SYN1: variants seen among roughly 807,000 people sequenced by gnomAD.
SYN1 encodes the protein synapsin-1.
SYN1 carries 8 observed loss-of-function variants against 44.6 expected under a neutral mutation model. The ratio of observed to expected loss-of-function variants is 0.18; its 90% confidence interval spans 0.11 to 0.32. SYN1 has a LOEUF of 0.32. Among genes scored for constraint, SYN1 ranks in the 10% least tolerant of loss-of-function variants. The pLI is 1.00. For missense variants in SYN1, 451 were observed against 639.4 expected, an observed-to-expected ratio of 0.71 and a Z score of 3.18; for synonymous variants, 275 against 280.1, an observed-to-expected ratio of 0.98 and a Z score of 0.18.
Position 47,574,059 on chromosome X carries a change from T to C in SYN1, c.1925A>G (p.Gln642Arg), listed in dbSNP as rs768643160. The change falls in exon 12 of 13, where the codon CAG (glutamine) becomes CGG (arginine). Residue 642 changes from glutamine to arginine, a missense_variant. Transcript: ENST00000295987. ...GGCGGTGGCGGGTGGCGGCACGTCC[T>C]GGCTGGGTTTCTGGGCCAGCTGTGG... Reference protein sequence around the residue: ...PKPQLAQKPSQDVPPPATAAA... With the variant: ...PKPQLAQKPSRDVPPPATAAA... 1.7e-6 allele frequency: 2 copies of C among 1,152,644 alleles called. No homozygotes were observed. Among genetic ancestry groups the C allele is most frequent in the South Asian group, 1.9e-5 (1 of 51,803 alleles). The allele number at this position is 1,152,644 out of a possible 1,213,427, so 95.0% of individuals were successfully genotyped here.
At chrX:47,579,623 ACTC>A (rs939143893) in intron 5 of SYN1, among the ~76,000 whole-genome samples, 1 of 109,521 alleles carries the variant, frequency 9.1e-6, no homozygotes, top group African/African-American at 3.3e-5. Flanking sequence ...GATCCACACG[ACTC>A]CTCATGTAAA....
At chrX:47,617,513 G>T (rs56957695) in intron 1 of SYN1, among the ~76,000 whole-genome samples, 33,205 of 109,833 alleles carry the variant, frequency 0.3, 3,732 homozygotes, top group Admixed American at 0.33. Context: ...CCCTTTGGGG[G>T]TATGAATTAA....
intron 5 of SYN1, among the ~76,000 whole-genome samples, chrX:47,580,650 A>G (rs1245261090): frequency 1.3e-4 from 14 of 106,008 alleles, no homozygotes; most frequent in Non-Finnish European, 2.7e-4. Flanking sequence ...AAAAAGATTT[A>G]GAAGGCCGGG....
At chrX:47,600,534 A>G (rs1220853069) in intron 5 of SYN1, among the ~76,000 whole-genome samples, 2 of 111,965 alleles carry the variant, frequency 1.8e-5, no homozygotes, top group Non-Finnish European at 3.8e-5. Context: ...TAAACCAATT[A>G]GACCTCATAA....
chrX:47,597,692 A>C (rs1341870225), intron 5 of SYN1, among the ~76,000 whole-genome samples: 1 of 112,074 alleles, frequency 8.9e-6, no homozygotes, highest in Non-Finnish European at 1.9e-5. Flanking sequence ...CAAGAAGTGC[A>C]CTGAACTCCA....
intron 5 of SYN1, among the ~76,000 whole-genome samples, chrX:47,587,996 G>A (rs2057833308): frequency 1.8e-5 from 2 of 111,778 alleles, no homozygotes; most frequent in African/African-American, 6.5e-5. Flanking sequence ...GGGCATTCTA[G>A]GTCACCAAGC....
Position 47,619,675 on chromosome X carries a change from T to A in SYN1, c.54A>T (p.Pro18=). ...GCTGCAGGTCTGTCATGTACCCATTTGGCAGATTGGCCATAAAGTTGCTGT... is the reference window on the plus strand; with the variant it reads ...GCTGCAGGTCTGTCATGTACCCATTAGGCAGATTGGCCATAAAGTTGCTGT... ...LSDSNFMANL[P]NGYMTDLQRP... Residue 18 remains proline, a synonymous_variant, in exon 1 of 13, where the codon CCA becomes CCT. Coordinates refer to ENST00000295987, the MANE Select transcript of SYN1 (RefSeq NM_006950.3). The A allele has an allele frequency of 8.6e-7, 1 of 1,169,489 alleles. No individual in the cohort carries two copies. Among genetic ancestry groups the A allele is most frequent in the Non-Finnish European group, 1.1e-6 (1 of 873,634 alleles).
rs1264033031 is a variant in SYN1 at position 47,589,438 on chromosome X, C to A, written c.775-11937G>T. ...GAAACCCTGTCTCTACTAAAAATAC[C>A]AAAAAAAAAAAAAATTAGCCGAGTA... On this transcript the variant is annotated intron_variant, in intron 5 of 12. Transcript: ENST00000295987. Among the ~76,000 whole-genome samples, 63 of 96,659 alleles carry A rather than the reference C, an allele frequency of 6.5e-4. No homozygotes were observed. The East Asian group carries it at 7.0e-3, about 11-fold the overall frequency. The allele number at this position is 96,659 out of a possible 115,157, so 83.9% of individuals were successfully genotyped here.
intron 5 of SYN1, among the ~76,000 whole-genome samples, chrX:47,602,513 G>A (rs1413506765): frequency 5.4e-5 from 6 of 110,787 alleles, no homozygotes; most frequent in Non-Finnish European, 7.6e-5. Context: ...GTGGTGGCAC[G>A]CACCTGTAGT....
At chrX:47,601,709 ACAT>A (rs2057880220) in intron 5 of SYN1, among the ~76,000 whole-genome samples, 3 of 112,613 alleles carry the variant, frequency 2.7e-5, no homozygotes, top group Non-Finnish European at 3.7e-5. Context: ...CCAGAAAAAG[ACAT>A]CATAAGAAAA....
chrX:47,574,436 C>G lies in SYN1; in HGVS notation c.1548G>C (p.Gln516His). Residue 516 changes from glutamine (Q) to histidine (H), a missense_variant, in exon 12 of 13, where the codon CAG becomes CAC. Transcript: ENST00000295987. ...GCGGCGCGGCCTGGGACGCGGGCTG[C>G]TGGGGCGCTGAGGTGGGACTTGGAA... is the stretch of plus-strand genomic sequence containing the variant. The part of the protein sequence containing the change: ...QRLPSPTSAP[Q>H]QPASQAAPPT... The G allele has an allele frequency of 5.7e-6, 6 of 1,045,484 alleles. No individual in the cohort carries two copies. Among genetic ancestry groups the G allele is most frequent in the Non-Finnish European group, 7.3e-6 (6 of 822,169 alleles). 86.2% of individuals were successfully genotyped at this position (1,045,484 alleles called of 1,213,427 possible).
At chrX:47,591,467 T>C (rs1332845119) in intron 5 of SYN1, among the ~76,000 whole-genome samples, 2 of 110,822 alleles carry the variant, frequency 1.8e-5, no homozygotes, top group Non-Finnish European at 3.8e-5. Flanking sequence ...ACACCTATAA[T>C]CCCAGCACTT....
intron 5 of SYN1, chrX:47,585,623 C>T: frequency 3.5e-6 from 4 of 1,154,777 alleles, no homozygotes; most frequent in South Asian, 4.0e-5. Flanking sequence ...AGCTCAGCGC[C>T]GGGGCTTCAC....
intron 1 of SYN1, among the ~76,000 whole-genome samples, chrX:47,611,346 G>T (rs1168238206): frequency 9.0e-6 from 1 of 111,512 alleles, no homozygotes; most frequent in Admixed American, 9.5e-5. Context: ...CCCCTGGAGA[G>T]GTCAGATGGG....
rs746161557 is a variant in SYN1, at chrX:47,608,682, A to G, written c.378-1484T>C. On this transcript the variant is annotated intron_variant, in intron 1 of 12. Coordinates refer to ENST00000295987, the MANE Select transcript of SYN1 (RefSeq NM_006950.3). ...AGCAGTAGGAACATCACGAACTGCT[A>G]TGTCATTGTCCCCGGGCCCGTCCCC... Among the ~76,000 whole-genome samples the G allele has an allele frequency of 5.5e-5, 6 of 109,566 alleles. No homozygotes were observed. The East Asian group carries it at 1.4e-3, about 26-fold the overall frequency.
intron 5 of SYN1, among the ~76,000 whole-genome samples, chrX:47,596,032 C>A (rs757472563): frequency 1.2e-4 from 14 of 112,457 alleles, no homozygotes; most frequent in Non-Finnish European, 9.4e-5. Context: ...CTTCTCCTCA[C>A]CTCCACAAGA....
chrX:47,586,483 G>A, intron 5 of SYN1: 2 of 1,199,007 alleles, frequency 1.7e-6, no homozygotes, highest in Non-Finnish European at 2.3e-6. Context: ...GGGGAGGCAG[G>A]GAGAAGCCCT....
rs1471397600 is a variant in SYN1 at position 47,593,973 on chromosome X, G to A, written c.774+11005C>T. Among the ~76,000 whole-genome samples the A allele has an allele frequency of 3.6e-5, 4 of 112,278 alleles. No homozygotes were observed. In the South Asian group the frequency reaches 1.1e-3, roughly 31 times the overall value. ...TTACCAGGCGTGGTGGCTCATGCCT[G>A]TAATCCTAGCACTTTGGGAGGCCAA... On this transcript the variant is annotated intron_variant, in intron 5 of 12. Transcript: ENST00000295987.
intron 1 of SYN1, 24 bp downstream of exon 1, chrX:47,619,328 G>C (rs1389352636): frequency 4.2e-6 from 5 of 1,198,945 alleles, no homozygotes; most frequent in Middle Eastern, 3.2e-4. Flanking sequence ...AGGCCCACGG[G>C]AGACGTCCGC....
Sources: gnomAD v4.1 joint callset for allele counts (sites outside exome capture counted in the v4.1 genomes callset) on GRCh38, gnomAD v4.1.1 for gene constraint, MANE v1.5 for transcripts, NCBI Gene and HGNC (gene_info 2026-07-23, HGNC 2026-07-21) for gene names.